The following DPF2 variants were observed in gnomAD, a reference collection of about 807,000 sequenced individuals.
DPF2 encodes zinc finger protein ubi-d4.
DPF2 carries 10 observed loss-of-function variants against 59.6 expected under a neutral mutation model. That is an observed-to-expected ratio of 0.17 (90% CI 0.10 to 0.28). The LOEUF (loss-of-function observed/expected upper bound fraction) is 0.28, where lower values mean the gene tolerates loss of function less well. Ranked by LOEUF, DPF2 falls within the 10% of genes least tolerant of loss-of-function variation. The pLI is 1.00. For synonymous variants in DPF2, 189 were observed against 190.6 expected, an observed-to-expected ratio of 0.99 and a Z score of 0.07; for missense variants, 315 against 509.4, an observed-to-expected ratio of 0.62 and a Z score of 3.67.
At chr11:65,342,460 C>G (rs1389344144) in intron 4 of DPF2, among the ~76,000 whole-genome samples, 3 of 152,030 alleles carry the variant, frequency 2.0e-5, no homozygotes, top group African/African-American at 7.3e-5. Context: ...GGGAGGGAAA[C>G]AAACTTTTAT....
chr11:65,344,362 G>A (rs1210429411), intron 6 of DPF2: 3 of 615,990 alleles, frequency 4.9e-6, no homozygotes, highest in Non-Finnish European at 8.5e-6. Flanking sequence ...AGGTCTCCTG[G>A]CCTCAGTTAA....
At chr11:65,345,588 GCC>G (rs1854503881) in intron 6 of DPF2, 76 bp from the exon 7 acceptor site, 3 of 1,578,742 alleles carry the variant, frequency 1.9e-6, no homozygotes, top group Non-Finnish European at 2.6e-6. Flanking sequence ...CTCAGGTGGA[GCC>G]CCCACAGCTT....
chr11:65,354,041 G>A lies in DPF2; in HGVS notation c.*2282G>A, dbSNP rs1284133276. Among the ~76,000 whole-genome samples the A allele has an allele frequency of 1.3e-5, 2 of 152,194 alleles. No individual in the cohort carries two copies. The highest frequency in any genetic ancestry group is 4.8e-5 in the African/African-American group (2 of 41,450). On this transcript the variant is annotated 3_prime_UTR_variant, in exon 11 of 11. Transcript: ENST00000528416. Reference sequence around the variant, plus strand: ...CTTGGAGAGTTGGACAGTGTCAGCCGGTAGGACGGGGGTGCGGACGGAAGC... The same window carrying A: ...CTTGGAGAGTTGGACAGTGTCAGCCAGTAGGACGGGGGTGCGGACGGAAGC...
chr11:65,346,502 C>G, intron 9 of DPF2, 143 bp downstream of exon 9: 1 of 674,348 alleles, frequency 1.5e-6, no homozygotes, highest in African/African-American at 1.8e-5. Context: ...GCATCTCAGT[C>G]AGAACTCTGA....
intron 9 of DPF2, chr11:65,347,614 A>G (rs781153161): frequency 1.3e-5 from 2 of 151,866 alleles, no homozygotes; most frequent in African/African-American, 2.4e-5. Flanking sequence ...GATTACAGGC[A>G]TGAACCCACC....
At chr11:65,337,504 T>TATATATATAGAG (rs1282367012) in intron 1 of DPF2, among the ~76,000 whole-genome samples, 5 of 21,396 alleles carry the variant, frequency 2.3e-4, no homozygotes, top group South Asian at 3.2e-3. Context: ...TATATATATA[T>TATATATATAGAG]AGAGAGAGAG....
intron 1 of DPF2, among the ~76,000 whole-genome samples, chr11:65,337,504 T>TATAGAGAGAGAG (rs1282367012): frequency 1.1e-3 from 23 of 21,388 alleles, no homozygotes; most frequent in Non-Finnish European, 1.5e-3. Context: ...TATATATATA[T>TATAGAGAGAGAG]AGAGAGAGAG....
At chr11:65,348,537 C>T (rs933120773) in intron 9 of DPF2, 14 of 270,650 alleles carry the variant, frequency 5.2e-5, no homozygotes, top group Non-Finnish European at 9.0e-5. Context: ...GCCGTGATTG[C>T]ACCACTGCAC....
chr11:65,339,632 T>C (rs1854305404), intron 1 of DPF2, among the ~76,000 whole-genome samples: 1 of 152,224 alleles, frequency 6.6e-6, no homozygotes, highest in South Asian at 2.1e-4. Flanking sequence ...AAAAACCTAG[T>C]TCAAAATTCA....
intron 10 of DPF2, among the ~76,000 whole-genome samples, chr11:65,349,907 AGT>A (rs1220082296): frequency 6.6e-6 from 1 of 152,122 alleles, no homozygotes. Flanking sequence ...GGCAAGAGAA[AGT>A]GTTTCATTGT....
intron 1 of DPF2, 51 bp from the exon 2 acceptor site, chr11:65,340,334 C>A (rs780157572): frequency 6.3e-7 from 1 of 1,598,216 alleles, no homozygotes; most frequent in South Asian, 1.1e-5. Flanking sequence ...TAGCTCAGCA[C>A]CCTATGCCCC....
rs1854793831 is a variant in DPF2 at position 65,353,931 on chromosome 11, A to G, written c.*2172A>G. ...AGCTGAGTAGTCCGAGAGCCAGAAA[A>G]GAAATGTGGAAAATAAGAACGCTGT... On this transcript the variant is annotated 3_prime_UTR_variant, in exon 11 of 11. Coordinates refer to ENST00000528416, the MANE Select transcript of DPF2 (RefSeq NM_006268.5). Among the ~76,000 whole-genome samples the G allele has an allele frequency of 6.6e-6, 1 of 152,206 alleles. No homozygotes were observed. Among genetic ancestry groups the G allele is most frequent in the South Asian group, 2.1e-4 (1 of 4,836 alleles).
intron 1 of DPF2, 26 bp downstream of exon 1, chr11:65,333,944 A>G: frequency 6.2e-7 from 1 of 1,610,434 alleles, no homozygotes; most frequent in Non-Finnish European, 8.5e-7. Context: ...TTTCTCTCCT[A>G]GGGCGGCAGG....
In DPF2 at chr11:65,353,772, A is replaced by G. The variant is rs1196387772; in HGVS notation, c.*2013A>G. The stretch of plus-strand genomic sequence containing the variant: ...CTATGGGAAGCCTAGGCCGGCCTGC[A>G]CTGTTATGTTCAATAAATAAGCAGG... On this transcript the variant is annotated 3_prime_UTR_variant, in exon 11 of 11. Transcript: ENST00000528416. Among the ~76,000 whole-genome samples the G allele has an allele frequency of 6.6e-6, 1 of 152,180 alleles. No homozygotes were observed. Among genetic ancestry groups the G allele is most frequent in the Non-Finnish European group, 1.5e-5 (1 of 68,026 alleles).
rs1160634026 is a variant in DPF2, at chr11:65,338,585, C to T, written c.33-1800C>T. On this transcript the variant is annotated intron_variant, in intron 1 of 10. Transcript: ENST00000528416. ...CTGTGTGGTGAAGACGTGGCTGCCT[C>T]CTAAAGGCGAGCCCACAGAGGCAAG... Among the ~76,000 whole-genome samples, 3 of 152,322 alleles carry T rather than the reference C, an allele frequency of 2.0e-5. No individual in the cohort carries two copies. In the East Asian group the frequency reaches 5.8e-4, roughly 29 times the overall value.
intron 10 of DPF2, 148 bp downstream of exon 10, chr11:65,349,079 C>G: frequency 1.3e-6 from 1 of 791,374 alleles, no homozygotes; most frequent in East Asian, 2.7e-5. Flanking sequence ...GAATGCCTTC[C>G]TAACATTTCA....
At position 65,344,840 on chromosome 11, in the gene DPF2, C is replaced by T. The variant is rs996743400; in HGVS notation, c.637+771C>T. The T allele has an allele frequency of 2.8e-5, 16 of 577,650 alleles. No homozygotes were observed. The Admixed American group carries it at 4.0e-4, about 15-fold the overall frequency. 35.8% of individuals were successfully genotyped at this position (577,650 alleles called of 1,614,324 possible). Reference sequence around the variant, plus strand: ...CCACAAACCTGCTCCTAGAGCTGCTCGGCCCAGTGCATGGGGTGGCTTCAG... The same window carrying T: ...CCACAAACCTGCTCCTAGAGCTGCTTGGCCCAGTGCATGGGGTGGCTTCAG... On this transcript the variant is annotated intron_variant, in intron 6 of 10. Transcript: ENST00000528416.
At chr11:65,337,842 T>G (rs1034648422) in intron 1 of DPF2, among the ~76,000 whole-genome samples, 1 of 152,128 alleles carries the variant, frequency 6.6e-6, no homozygotes, top group Non-Finnish European at 1.5e-5. Context: ...TTCGCTCTTG[T>G]TGCCCAGGCT....
At chr11:65,336,186 T>C (rs763509929) in intron 1 of DPF2, among the ~76,000 whole-genome samples, 1 of 152,100 alleles carries the variant, frequency 6.6e-6, no homozygotes, top group Non-Finnish European at 1.5e-5. Flanking sequence ...CCCTTCCGAA[T>C]GTGATGTCAG....
Sources: gnomAD v4.1 joint callset for allele counts (sites outside exome capture counted in the v4.1 genomes callset) on GRCh38, gnomAD v4.1.1 for gene constraint, MANE v1.5 for transcripts, NCBI Gene and HGNC (gene_info 2026-07-23, HGNC 2026-07-21) for gene names.